The following FOXP1 variants were observed in gnomAD, a reference collection of about 807,000 sequenced individuals.
The protein encoded by FOXP1 is forkhead box P1.
A neutral mutation model predicts 98.2 loss-of-function variants in FOXP1; 15 were observed. The observed-to-expected ratio is 0.15, with a 90% CI of 0.10 to 0.24. The LOEUF (loss-of-function observed/expected upper bound fraction) is 0.24, where lower values mean the gene tolerates loss of function less well. Among genes scored for constraint, FOXP1 ranks in the 10% least tolerant of loss-of-function variants. The probability of loss-of-function intolerance (pLI) is 1.00; values close to 1 mark genes in which losing one functional copy is unlikely to be tolerated. For synonymous variants in FOXP1, 371 were observed against 314.5 expected, an observed-to-expected ratio of 1.18 and a Z score of -1.90; for missense variants, 633 against 848.5, an observed-to-expected ratio of 0.75 and a Z score of 3.15.
At chr3:71,248,509 G>A (rs185370941) in intron 5 of FOXP1, among the ~76,000 whole-genome samples, 11 of 152,210 alleles carry the variant, frequency 7.2e-5, no homozygotes, top group East Asian at 3.9e-4. Flanking sequence ...TTGGGAGGCC[G>A]AGGCAGGTGG....
intron 3 of FOXP1, among the ~76,000 whole-genome samples, chr3:71,364,598 AG>A (rs2078791642): frequency 6.6e-6 from 1 of 152,224 alleles, no homozygotes; most frequent in Non-Finnish European, 1.5e-5. Flanking sequence ...TAAATAAAAC[AG>A]TTTTGTCTGC....
intron 5 of FOXP1, among the ~76,000 whole-genome samples, chr3:71,275,786 C>A (rs2070819345): frequency 6.6e-6 from 1 of 152,152 alleles, no homozygotes; most frequent in African/African-American, 2.4e-5. Flanking sequence ...ATGCCCGTGT[C>A]CCTGGAGGTT....
At chr3:71,357,938 C>T (rs923767611) in intron 4 of FOXP1, among the ~76,000 whole-genome samples, 2 of 151,970 alleles carry the variant, frequency 1.3e-5, no homozygotes, top group Admixed American at 6.6e-5. Context: ...GATGACACTA[C>T]AATTTTCTCT....
intron 4 of FOXP1, among the ~76,000 whole-genome samples, chr3:71,325,697 T>C (rs1189785680): frequency 6.6e-6 from 1 of 151,848 alleles, no homozygotes; most frequent in African/African-American, 2.4e-5. Flanking sequence ...ATTTTAGAGG[T>C]GGGTCTCACT....
rs578183506 is a variant in FOXP1 at position 71,331,441 on chromosome 3, G to A, written c.-73+27709C>T. 4.6e-5 allele frequency among the ~76,000 whole-genome samples: 6 copies of A among 130,656 alleles called. No individual in the cohort carries two copies. In the East Asian group the frequency reaches 1.5e-3, roughly 34 times the overall value. The allele number at this position is 130,656 out of a possible 152,430, so 85.7% of individuals were successfully genotyped here. A position where few individuals can be genotyped will look rare whatever the true frequency, so the allele number is the denominator to read the frequency against. On this transcript the variant is annotated intron_variant, in intron 4 of 20. Coordinates refer to ENST00000649528, the MANE Select transcript of FOXP1 (RefSeq NM_001349338.3). ...CGACAAGCGCCGCTCCCTGCTCCAC[G>A]GCACCCAGTCCCATCGACCGCCCAA...
intron 7 of FOXP1, among the ~76,000 whole-genome samples, chr3:71,091,605 T>C (rs1176313351): frequency 2.0e-5 from 3 of 152,146 alleles, no homozygotes; most frequent in Non-Finnish European, 4.4e-5. Context: ...GTCTATCTAC[T>C]CCAAAGAGTT....
chr3:71,066,539 C>G (rs1028610832), intron 7 of FOXP1, among the ~76,000 whole-genome samples: 11 of 152,248 alleles, frequency 7.2e-5, no homozygotes, highest in African/African-American at 2.6e-4. Flanking sequence ...AGTTCTGACT[C>G]TTAAAGAGAA....
chr3:71,125,704 G>T (rs1355142328), intron 6 of FOXP1, among the ~76,000 whole-genome samples: 1 of 152,158 alleles, frequency 6.6e-6, no homozygotes, highest in African/African-American at 2.4e-5. Flanking sequence ...GAGTCTCCAG[G>T]CATGAAGAAG....
At chr3:71,182,496 A>ATG (rs1386870282) in intron 6 of FOXP1, among the ~76,000 whole-genome samples, 69 of 140,790 alleles carry the variant, frequency 4.9e-4, no homozygotes, top group African/African-American at 1.7e-3. Flanking sequence ...AGTGTAAACT[A>ATG]TATATATGTG....
At position 71,394,240 on chromosome 3, in the gene FOXP1, G is replaced by A. The variant is rs112680356; in HGVS notation, c.-167-34996C>T. On this transcript the variant is annotated intron_variant, in intron 3 of 20. Coordinates refer to ENST00000649528, the MANE Select transcript of FOXP1 (RefSeq NM_001349338.3). ...TTTTGTTTTCTCAGAACAATGATGA[G>A]TCCTCTTTAGAGATACGTTTTTAAA... Among the ~76,000 whole-genome samples the A allele has an allele frequency of 2.0e-5, 3 of 152,168 alleles. No individual in the cohort carries two copies. The East Asian group carries it at 5.8e-4, about 29-fold the overall frequency.
intron 3 of FOXP1, among the ~76,000 whole-genome samples, chr3:71,397,055 TATATGTGTATATATATATAC>T (rs1254383984): frequency 8.3e-5 from 9 of 107,790 alleles, no homozygotes; most frequent in African/African-American, 3.1e-4. Context: ...TATACACATA[TATATGTGTATATATATATAC>T]ATATATATGT....
At chr3:71,126,855 G>GAA (rs757099344) in intron 6 of FOXP1, among the ~76,000 whole-genome samples, 2,834 of 103,560 alleles carry the variant, frequency 0.027, 111 homozygotes, top group African/African-American at 0.1. Context: ...AAACCAAAAA[G>GAA]AAAAAAAAAA....
intron 7 of FOXP1, among the ~76,000 whole-genome samples, chr3:71,104,667 T>C (rs1214503568): frequency 3.3e-5 from 5 of 152,092 alleles, no homozygotes; most frequent in Non-Finnish European, 7.4e-5. Context: ...GAATTTTCAA[T>C]AGGGATGGAA....
At chr3:71,283,445 GT>G (rs2071778207) in intron 5 of FOXP1, among the ~76,000 whole-genome samples, 1 of 152,182 alleles carries the variant, frequency 6.6e-6, no homozygotes, top group African/African-American at 2.4e-5. Context: ...GGCTCATTGA[GT>G]AAGGAGCTGA....
chr3:71,162,841 G>A (rs17008297), intron 6 of FOXP1, among the ~76,000 whole-genome samples: 3,549 of 152,282 alleles, frequency 0.023, 150 homozygotes, highest in African/African-American at 0.081. Flanking sequence ...GGGTACTTGA[G>A]TTGAAGGCTG....
intron 5 of FOXP1, among the ~76,000 whole-genome samples, chr3:71,221,208 C>T (rs933493574): frequency 2.0e-5 from 3 of 152,118 alleles, no homozygotes; most frequent in Admixed American, 6.5e-5. Context: ...TATTGTGAAA[C>T]GTGCATGAGA....
chr3:71,541,430 C>T (rs1578097530), intron 2 of FOXP1, among the ~76,000 whole-genome samples: 3 of 152,154 alleles, frequency 2.0e-5, no homozygotes, highest in African/African-American at 7.2e-5. Flanking sequence ...CATTTCCTTG[C>T]TTTCACATAG....
chr3:71,331,529 C>T lies in FOXP1; in HGVS notation c.-73+27621G>A, dbSNP rs924108035. 4.6e-5 allele frequency among the ~76,000 whole-genome samples: 7 copies of T among 152,260 alleles called. No homozygotes were observed. In the East Asian group the frequency reaches 5.8e-4, roughly 13 times the overall value. ...CGCAGCTCCACCTGCGGCCCCGGTG[C>T]GGGATCCACTGGGTGAAGCCAACTG... is the stretch of plus-strand genomic sequence containing the variant. On this transcript the variant is annotated intron_variant, in intron 4 of 20. Coordinates refer to ENST00000649528, the MANE Select transcript of FOXP1 (RefSeq NM_001349338.3).
At chr3:71,325,166 C>T (rs1003918707) in intron 4 of FOXP1, among the ~76,000 whole-genome samples, 4 of 151,870 alleles carry the variant, frequency 2.6e-5, no homozygotes, top group Admixed American at 2.0e-4. Context: ...GATTCTCCCA[C>T]CTCAGTCTCC....
Sources: allele counts gnomAD v4.1 joint callset (sites outside exome capture counted in the v4.1 genomes callset), GRCh38; gene constraint gnomAD v4.1.1; transcripts MANE v1.5; gene names NCBI Gene and HGNC (gene_info 2026-07-23, HGNC 2026-07-21).